The following SLC39A8 variants were observed in gnomAD, a reference collection of about 807,000 sequenced individuals.
SLC39A8 encodes metal cation symporter ZIP8.
SLC39A8 carries 15 observed loss-of-function variants against 40.4 expected under a neutral mutation model. The ratio of observed to expected loss-of-function variants is 0.37; its 90% CI spans 0.25 to 0.57. SLC39A8 has a LOEUF of 0.57. Ranked by LOEUF, SLC39A8 falls within the 20% of genes least tolerant of loss-of-function variation. The pLI is 0.75. For synonymous variants in SLC39A8, 223 were observed against 221.6 expected (o/e 1.01, Z -0.06); for missense variants, 472 against 558.8 (o/e 0.84, Z 1.57).
rs765894300 is a variant in SLC39A8, at chr4:102,267,862, A to G, written c.1048+10T>C. 6 of 1,613,300 alleles carry G rather than the reference A, an allele frequency of 3.7e-6. No individual in the cohort carries two copies. The highest frequency in any genetic ancestry group is 5.1e-6 in the Non-Finnish European group (6 of 1,179,622). ...AAGCAGACTTTTACAATATGAACAGAGCTCCTTACCTAACTCGTGGGGAAA... is the reference window on the plus strand; with the variant it reads ...AAGCAGACTTTTACAATATGAACAGGGCTCCTTACCTAACTCGTGGGGAAA... On this transcript the variant is annotated intron_variant, in intron 7 of 8. Coordinates refer to ENST00000356736, the MANE Select transcript of SLC39A8 (RefSeq NM_001135146.2).
At chr4:102,327,548 C>T (rs940876296) in intron 2 of SLC39A8, among the ~76,000 whole-genome samples, 3 of 152,204 alleles carry the variant, frequency 2.0e-5, no homozygotes, top group Non-Finnish European at 4.4e-5. Flanking sequence ...CTATACCCAT[C>T]CCTTCTCCAG....
chr4:102,311,326 C>T (rs1021534142), intron 3 of SLC39A8, among the ~76,000 whole-genome samples: 3 of 152,076 alleles, frequency 2.0e-5, no homozygotes, highest in Non-Finnish European at 4.4e-5. Context: ...ATGTTGATTA[C>T]AATTATGTTT....
chr4:102,314,250 C>T (rs1378143473), intron 3 of SLC39A8, among the ~76,000 whole-genome samples: 1 of 152,036 alleles, frequency 6.6e-6, no homozygotes, highest in Non-Finnish European at 1.5e-5. Context: ...CCCACTTCTA[C>T]TTCCCCCACT....
At position 102,304,412 on chromosome 4, in the gene SLC39A8, G is replaced by C. The variant is rs147912552; in HGVS notation, c.745C>G (p.Pro249Ala). ...QEKTHQPKAL[P>A]AINGVTCYAN... ...TAGCATGTCACACCATTGATGGCAG[G>C]TAATGCTTTAGGTTGATGAGTTTTT... is the stretch of plus-strand genomic sequence containing the variant. Residue 249 changes from proline to alanine, a missense_variant, in exon 6 of 9, where the codon CCT becomes GCT. Pro to Ala is a conservative substitution (Grantham distance 27). Around this residue, in one of 4 missense-constraint regions of SLC39A8, gnomAD observed 239 missense variants for 317.9 expected, o/e 0.75. Coordinates refer to ENST00000356736, the MANE Select transcript of SLC39A8 (RefSeq NM_001135146.2). 2,409 of 1,611,544 alleles carry C rather than the reference G, an allele frequency of 1.5e-3. 12 individuals carry two copies. The highest frequency in any genetic ancestry group is 7.6e-3 in the Middle Eastern group (46 of 6,044).
Position 102,262,923 on chromosome 4 carries a change from T to G in SLC39A8, c.*121A>C. On this transcript the variant is annotated 3_prime_UTR_variant, in exon 9 of 9. Coordinates refer to ENST00000356736, the MANE Select transcript of SLC39A8 (RefSeq NM_001135146.2). ...AGACTGATGCCAATAATTAGTTTTC[T>G]GGACCTACAGTTGAAAGCAAAATTA... 1 of 1,424,492 alleles carries G rather than the reference T, an allele frequency of 7.0e-7. No homozygotes were observed. Among genetic ancestry groups the G allele is most frequent in the Non-Finnish European group, 9.2e-7 (1 of 1,092,676 alleles). The allele number at this position is 1,424,492 out of a possible 1,614,324, so 88.2% of individuals were successfully genotyped here.
At chr4:102,282,202 T>G (rs1732917353) in intron 6 of SLC39A8, among the ~76,000 whole-genome samples, 1 of 152,202 alleles carries the variant, frequency 6.6e-6, no homozygotes, top group South Asian at 2.1e-4. Flanking sequence ...ATTTTCTGTG[T>G]TGTTGGTTCC....
chr4:102,304,285 T>C (rs1560549270), intron 6 of SLC39A8, 32 bp downstream of exon 6: 2 of 1,563,334 alleles, frequency 1.3e-6, no homozygotes, highest in Admixed American at 1.7e-5. Context: ...AAGAATGCAG[T>C]ATAATGAAGG....
intron 2 of SLC39A8, among the ~76,000 whole-genome samples, chr4:102,343,467 A>G (rs1736027014): frequency 6.6e-6 from 1 of 152,222 alleles, no homozygotes; most frequent in South Asian, 2.1e-4. Context: ...TCCAAAAATG[A>G]CAAACGATAT....
chr4:102,318,030 C>T (rs943368979), intron 2 of SLC39A8, among the ~76,000 whole-genome samples: 2 of 152,052 alleles, frequency 1.3e-5, no homozygotes, highest in Admixed American at 6.6e-5. Context: ...TCATATATAA[C>T]ATGAACATGT....
At chr4:102,254,882 T>C (rs62327912) in intron 11 of SLC39A8, among the ~76,000 whole-genome samples, 27,269 of 152,168 alleles carry the variant, frequency 0.18, 2,728 homozygotes, top group South Asian at 0.35. Flanking sequence ...GAGGCCCCTT[T>C]TGGCTCCAAA....
chr4:102,273,378 G>A (rs1732458866), intron 6 of SLC39A8, among the ~76,000 whole-genome samples: 1 of 152,206 alleles, frequency 6.6e-6, no homozygotes, highest in African/African-American at 2.4e-5. Context: ...AGCCACTGTA[G>A]CCAGACTGCC....
intron 6 of SLC39A8, among the ~76,000 whole-genome samples, chr4:102,303,398 C>A (rs1035676746): frequency 1.3e-5 from 2 of 151,914 alleles, no homozygotes; most frequent in African/African-American, 4.8e-5. Context: ...TCATCTAATT[C>A]AAGCTGAACC....
chr4:102,303,419 T>G (rs1181970069), intron 6 of SLC39A8, among the ~76,000 whole-genome samples: 1 of 151,950 alleles, frequency 6.6e-6, no homozygotes, highest in Non-Finnish European at 1.5e-5. Context: ...AGGAAGACAC[T>G]TGCCAGAGAT....
chr4:102,271,025 A>T (rs1732338609), intron 6 of SLC39A8, among the ~76,000 whole-genome samples: 1 of 151,990 alleles, frequency 6.6e-6, no homozygotes, highest in South Asian at 2.1e-4. Context: ...GAGAAGTAGC[A>T]TGAGGAGGAG....
chr4:102,263,731 C>T (rs1479379999), intron 8 of SLC39A8, among the ~76,000 whole-genome samples: 1 of 152,216 alleles, frequency 6.6e-6, no homozygotes, highest in Non-Finnish European at 1.5e-5. Context: ...AGGCAATCCT[C>T]TCAAACTCTG....
Position 102,273,855 on chromosome 4 carries a change from G to GCT in SLC39A8, c.841-5777_841-5776insAG, listed in dbSNP as rs879275145. 7.6e-3 allele frequency among the ~76,000 whole-genome samples: 1,159 copies of GCT among 152,310 alleles called. 34 individuals are homozygous for GCT. The East Asian group carries it at 0.08, about 10-fold the overall frequency. Reference sequence around the variant, plus strand: ...ACTCCAGAAGACCTGCAGAAGAGGGGTCTGACTGTTAGAAGGAAAACCAAC... The same window carrying GCT: ...ACTCCAGAAGACCTGCAGAAGAGGGGCTTCTGACTGTTAGAAGGAAAACCAAC... On this transcript the variant is annotated intron_variant, in intron 6 of 8. Transcript: ENST00000356736.
In SLC39A8 at chr4:102,337,707, C is replaced by T. The variant is rs553853160; in HGVS notation, c.219+6737G>A. Among the ~76,000 whole-genome samples the T allele has an allele frequency of 5.9e-5, 9 of 152,184 alleles. No individual in the cohort carries two copies. In the East Asian group the frequency reaches 9.7e-4, roughly 16 times the overall value. On this transcript the variant is annotated intron_variant, in intron 2 of 8. Transcript: ENST00000356736. ...ATAAGGGAAGATTTCCATTCTAAAC[C>T]GCCAGAAGAGACAGTGGATTCATTG...
chr4:102,305,198 A>G, intron 4 of SLC39A8, 87 bp from the exon 5 acceptor site: 4 of 1,348,044 alleles, frequency 3.0e-6, no homozygotes, highest in Non-Finnish European at 4.1e-6. Context: ...ATTCTCACCA[A>G]TGTTCTAAGT....
chr4:102,275,675 A>C (rs1200131384), intron 6 of SLC39A8, among the ~76,000 whole-genome samples: 3 of 152,162 alleles, frequency 2.0e-5, no homozygotes, highest in Non-Finnish European at 4.4e-5. Context: ...AAATCAACAG[A>C]ATATACATTC....
Sources: gnomAD v4.1 joint callset for allele counts (sites outside exome capture counted in the v4.1 genomes callset) on GRCh38, gnomAD v4.1.1 for gene constraint, gnomAD v4.1.1 regional missense constraint, MANE v1.5 for transcripts, NCBI Gene and HGNC (gene_info 2026-07-23, HGNC 2026-07-21) for gene names.